The following FGF12 variants were observed in gnomAD, a reference collection of about 807,000 sequenced individuals.
The protein encoded by FGF12 is fibroblast growth factor 12, also known as fibroblast growth factor 12B.
In FGF12, 14 loss-of-function variants were observed where a neutral mutation model predicts 23.6. The observed-to-expected ratio is 0.59, with a 90% CI of 0.39 to 0.93. The LOEUF is 0.93. FGF12 is among the 40% of genes least tolerant of loss of function. The pLI is 0.00. For missense variants in FGF12, 175 were observed against 217.8 expected (o/e 0.80, Z 1.24); for synonymous variants, 62 against 77.3 (o/e 0.80, Z 1.04).
intron 3 of FGF12, among the ~76,000 whole-genome samples, chr3:192,340,382 G>A (rs1717633903): frequency 1.3e-5 from 2 of 152,104 alleles, no homozygotes; most frequent in African/African-American, 4.8e-5. Context: ...TACAAGGAAG[G>A]GAGGAGACAG....
chr3:192,429,785 C>T (rs952425441), intron 2 of FGF12, among the ~76,000 whole-genome samples: 9 of 111,684 alleles, frequency 8.1e-5, no homozygotes, highest in Non-Finnish European at 1.5e-4. Context: ...TCTCTTAACG[C>T]CATTCTGGAA....
chr3:192,537,645 A>AT (rs556022805), intron 2 of FGF12, among the ~76,000 whole-genome samples: 35 of 151,948 alleles, frequency 2.3e-4, no homozygotes, highest in Non-Finnish European at 7.4e-5. Flanking sequence ...AGATTAATGG[A>AT]TTTTTTCCCT....
At chr3:192,518,205 G>A (rs1031246842) in intron 2 of FGF12, among the ~76,000 whole-genome samples, 23 of 152,060 alleles carry the variant, frequency 1.5e-4, no homozygotes, top group Non-Finnish European at 3.1e-4. Flanking sequence ...CATTCTTTCT[G>A]TTTTCTAATT....
Position 192,329,846 on chromosome 3 carries a change from T to C in FGF12, c.228+5515A>G, listed in dbSNP as rs750406187. Among the ~76,000 whole-genome samples the C allele has an allele frequency of 5.3e-5, 8 of 152,298 alleles. No homozygotes were observed. In the South Asian group the frequency reaches 6.2e-4, roughly 12 times the overall value. ...TTGTAGAAAAATCTGTTTCAACAGA[T>C]TGTAACACAGAATGGTATTTCCTGA... On this transcript the variant is annotated intron_variant, in intron 4 of 5. Coordinates refer to ENST00000445105, the MANE Select transcript of FGF12 (RefSeq NM_004113.6).
chr3:192,142,470 T>A lies in FGF12; in HGVS notation c.*1539A>T, dbSNP rs1016497263. 9.4e-6 allele frequency: 1 copy of A among 106,888 alleles called. No homozygotes were observed. The highest frequency in any genetic ancestry group is 2.8e-5 in the African/African-American group (1 of 35,964). 6.6% of individuals were successfully genotyped at this position (106,888 alleles called of 1,614,324 possible). On this transcript the variant is annotated 3_prime_UTR_variant, in exon 6 of 6. Coordinates refer to ENST00000445105, the MANE Select transcript of FGF12 (RefSeq NM_004113.6). Reference sequence around the variant, plus strand: ...CATTGATAATATCCATAAATCTGCATACATTTTTTAACATTCTGTTTTGTG... The same window carrying A: ...CATTGATAATATCCATAAATCTGCAAACATTTTTTAACATTCTGTTTTGTG...
intron 2 of FGF12, among the ~76,000 whole-genome samples, chr3:192,459,452 C>T (rs78219664): frequency 0.016 from 2,423 of 152,274 alleles, 52 homozygotes; most frequent in African/African-American, 0.053. Flanking sequence ...TGTTATGATG[C>T]TACATTCAAA....
intron 2 of FGF12, among the ~76,000 whole-genome samples, chr3:192,675,035 C>T (rs1025134952): frequency 2.0e-5 from 3 of 152,160 alleles, no homozygotes; most frequent in African/African-American, 7.2e-5. Flanking sequence ...ATAGACTGGG[C>T]TTCAGTACTT....
chr3:192,397,148 T>C (rs1720558540), intron 2 of FGF12, among the ~76,000 whole-genome samples: 1 of 152,214 alleles, frequency 6.6e-6, no homozygotes, highest in Admixed American at 6.5e-5. Context: ...GCTTTTCTCA[T>C]GACCTGTAGG....
At chr3:192,435,893 C>T (rs1419733943) in intron 2 of FGF12, among the ~76,000 whole-genome samples, 1 of 152,124 alleles carries the variant, frequency 6.6e-6, no homozygotes. Flanking sequence ...ATAACATTTG[C>T]TTAACCAGCT....
intron 1 of FGF12, 74 bp from the exon 2 acceptor site, chr3:192,727,397 G>A (rs1007486563): frequency 1.0e-5 from 15 of 1,462,788 alleles, no homozygotes; most frequent in African/African-American, 9.8e-5. Context: ...GCAGCAGATT[G>A]CCTCTACAGG....
intron 3 of FGF12, among the ~76,000 whole-genome samples, chr3:192,348,380 C>T (rs966616662): frequency 1.3e-5 from 2 of 152,126 alleles, no homozygotes; most frequent in Non-Finnish European, 2.9e-5. Context: ...ACATCCTACA[C>T]ACCTCAAACT....
intron 2 of FGF12, among the ~76,000 whole-genome samples, chr3:192,504,593 T>C (rs1279219751): frequency 6.6e-6 from 1 of 152,164 alleles, no homozygotes; most frequent in Admixed American, 6.5e-5. Flanking sequence ...TGTAGCCTGT[T>C]GTTTCTTTCT....
intron 4 of FGF12, among the ~76,000 whole-genome samples, chr3:192,293,316 A>T (rs1332080119): frequency 1.3e-5 from 2 of 152,214 alleles, no homozygotes; most frequent in Non-Finnish European, 2.9e-5. Context: ...ATGAAAATTT[A>T]CCTGTTACAA....
At chr3:192,399,527 T>C (rs1476990625) in intron 2 of FGF12, among the ~76,000 whole-genome samples, 1 of 152,180 alleles carries the variant, frequency 6.6e-6, no homozygotes, top group African/African-American at 2.4e-5. Flanking sequence ...ATAAATTATA[T>C]TAGTGTATAA....
chr3:192,633,380 C>G (rs1255434841), intron 2 of FGF12, among the ~76,000 whole-genome samples: 2 of 151,994 alleles, frequency 1.3e-5, no homozygotes, highest in Non-Finnish European at 2.9e-5. Context: ...ATTTGGGACC[C>G]CCTTTAAGCT....
In FGF12 at chr3:192,645,767, T is replaced by TA. The variant is rs55809400; in HGVS notation, c.13+81413dup. Among the ~76,000 whole-genome samples the TA allele has an allele frequency of 4.5e-3, 321 of 71,062 alleles. 10 individuals are homozygous for TA. The highest frequency in any genetic ancestry group is 9.7e-3 in the East Asian group (21 of 2,162). The allele number at this position is 71,062 out of a possible 152,430, so 46.6% of individuals were successfully genotyped here. On this transcript the variant is annotated intron_variant, in intron 2 of 5. Coordinates refer to ENST00000445105, the MANE Select transcript of FGF12 (RefSeq NM_004113.6). Reference sequence around the variant, plus strand: ...AGGATACAGCAGTTGACAAAACAGGTAAAAAAAAAAAAAAAAAAAAAAAAA... The same window carrying TA: ...AGGATACAGCAGTTGACAAAACAGGTAAAAAAAAAAAAAAAAAAAAAAAAAA...
intron 5 of FGF12, among the ~76,000 whole-genome samples, chr3:192,147,478 G>A (rs889166156): frequency 2.0e-5 from 3 of 152,118 alleles, no homozygotes; most frequent in Non-Finnish European, 4.4e-5. Flanking sequence ...ATTAAGGAAG[G>A]AAACAAGGCG....
intron 2 of FGF12, among the ~76,000 whole-genome samples, chr3:192,466,384 A>AAC (rs1336264930): frequency 3.1e-4 from 47 of 152,052 alleles, no homozygotes; most frequent in African/African-American, 1.1e-3. Context: ...AAAGCACTTA[A>AAC]ACACACACAC....
At chr3:192,476,599 C>T (rs932368906) in intron 2 of FGF12, among the ~76,000 whole-genome samples, 3 of 152,186 alleles carry the variant, frequency 2.0e-5, no homozygotes, top group African/African-American at 7.2e-5. Flanking sequence ...GGAATTACCT[C>T]CACAAATACA....
Sources: allele counts gnomAD v4.1 joint callset (sites outside exome capture counted in the v4.1 genomes callset), GRCh38; gene constraint gnomAD v4.1.1; transcripts MANE v1.5; gene names NCBI Gene and HGNC (gene_info 2026-07-23, HGNC 2026-07-21).